The following RIPOR3 variants were observed in gnomAD, a reference collection of about 807,000 sequenced individuals.
The protein encoded by RIPOR3 is family with sequence similarity 65 member C.
In RIPOR3, 95 loss-of-function variants were observed where a neutral mutation model predicts 114.3. The ratio of observed to expected loss-of-function variants is 0.83; its 90% CI spans 0.70 to 0.99. The LOEUF (loss-of-function observed/expected upper bound fraction) is 0.99, where lower values mean the gene tolerates loss of function less well. Ranked by LOEUF, RIPOR3 falls within the 50% of genes least tolerant of loss-of-function variation. RIPOR3 has a pLI of 0.00. For synonymous variants in RIPOR3, 575 were observed against 543.8 expected, an observed-to-expected ratio of 1.06 and a Z score of -0.80; for missense variants, 1,252 against 1,266.9, an observed-to-expected ratio of 0.99 and a Z score of 0.18.
chr20:50,619,139 C>T (rs539990946), intron 3 of RIPOR3, among the ~76,000 whole-genome samples: 1 of 152,220 alleles, frequency 6.6e-6, no homozygotes, highest in African/African-American at 2.4e-5. Flanking sequence ...TCAGCCTCTG[C>T]TTTCTCATCT....
intron 13 of RIPOR3, among the ~76,000 whole-genome samples, chr20:50,601,793 C>A (rs1326509669): frequency 6.6e-6 from 1 of 152,194 alleles, no homozygotes; most frequent in Non-Finnish European, 1.5e-5. Flanking sequence ...ACAGCCCCGC[C>A]CACCCAGGTC....
chr20:50,667,685 T>C (rs1294908963), intron 1 of RIPOR3, among the ~76,000 whole-genome samples: 1 of 152,186 alleles, frequency 6.6e-6, no homozygotes. Flanking sequence ...GATACTGAAC[T>C]CACAGCTCTG....
At chr20:50,595,606 C>G in intron 15 of RIPOR3, 102 bp from the exon 16 acceptor site, 1 of 1,474,488 alleles carries the variant, frequency 6.8e-7, no homozygotes. Flanking sequence ...CTCTTCTGTC[C>G]CGGGGGCAGC....
In RIPOR3 at chr20:50,587,307, C is replaced by T. The variant is rs746895416; in HGVS notation, c.2778G>A (p.Glu926=). Residue 926 remains glutamate, a synonymous_variant, in exon 22 of 22, where the codon GAG becomes GAA. Transcript: ENST00000327979. ...GTTCTGAGCAGAGCTTGTCCATCTT[C>T]TCAAAAGCTAACCGTCCTTTTTCAC... ...SFGEKGRLAF[E]KMDKLCSEQR... 2 of 1,614,060 alleles carry T rather than the reference C, an allele frequency of 1.2e-6. No homozygotes were observed. Among genetic ancestry groups the T allele is most frequent in the African/African-American group, 2.7e-5 (2 of 74,952 alleles).
chr20:50,589,864 C>T (rs774505345), intron 19 of RIPOR3, 95 bp from the exon 20 acceptor site: 10 of 1,052,066 alleles, frequency 9.5e-6, no homozygotes, highest in East Asian at 2.6e-5. Flanking sequence ...CAGTAAGGCA[C>T]GCTGTGCCCA....
intron 1 of RIPOR3, among the ~76,000 whole-genome samples, chr20:50,683,514 G>A (rs2086926089): frequency 6.6e-6 from 1 of 151,188 alleles, no homozygotes. Flanking sequence ...GTGCAGTGGT[G>A]AGATCTCAGC....
At chr20:50,673,104 G>A (rs1300672535) in intron 1 of RIPOR3, among the ~76,000 whole-genome samples, 1 of 151,350 alleles carries the variant, frequency 6.6e-6, no homozygotes, top group Non-Finnish European at 1.5e-5. Context: ...TGTGCAGAGG[G>A]CAAGGTAAGT....
intron 19 of RIPOR3, among the ~76,000 whole-genome samples, chr20:50,592,080 C>T (rs1306635221): frequency 1.3e-5 from 2 of 152,206 alleles, no homozygotes; most frequent in African/African-American, 2.4e-5. Flanking sequence ...GAGCAGAACT[C>T]TGTCTAAACA....
At chr20:50,674,955 A>T (rs2123562679) in intron 1 of RIPOR3, among the ~76,000 whole-genome samples, 1 of 152,140 alleles carries the variant, frequency 6.6e-6, no homozygotes, top group South Asian at 2.1e-4. Flanking sequence ...AATTAAACTT[A>T]AAAAATTTAA....
rs548944540 is a variant in RIPOR3, at chr20:50,587,838, C to G, written c.2716G>C (p.Val906Leu). The change falls in exon 21 of 22, where the codon GTG becomes CTG. Residue 906 changes from valine to leucine, a missense_variant. Val to Leu is a conservative substitution (Grantham distance 32). Coordinates refer to ENST00000327979, the MANE Select transcript of RIPOR3 (RefSeq NM_001290268.2). ...GTGGTTTCCCGGGCTGCCGCCCGCA[C>G]GGCCTCCAGGTCAGACTGGCACAGG... ...ASLCQSDLEA[V>L]RAAARETTLS... 6.2e-7 allele frequency: 1 copy of G among 1,614,060 alleles called. No homozygotes were observed. Among genetic ancestry groups the G allele is most frequent in the African/African-American group, 1.3e-5 (1 of 74,954 alleles).
intron 2 of RIPOR3, among the ~76,000 whole-genome samples, chr20:50,628,483 C>T (rs184275226): frequency 1.1e-3 from 162 of 152,220 alleles, no homozygotes; most frequent in Non-Finnish European, 2.0e-3. Flanking sequence ...TGCCTCCCGC[C>T]GCCGAAGGCT....
chr20:50,597,663 C>T lies in RIPOR3; in HGVS notation c.1707G>A (p.Glu569=), dbSNP rs760935231. 2 of 1,612,288 alleles carry T rather than the reference C, an allele frequency of 1.2e-6. No homozygotes were observed. The highest frequency in any genetic ancestry group is 1.3e-5 in the African/African-American group (1 of 75,002). Residue 569 remains glutamate, a synonymous_variant, in exon 14 of 22, where the codon GAG becomes GAA. Coordinates refer to ENST00000327979, the MANE Select transcript of RIPOR3 (RefSeq NM_001290268.2). ...QEHTSAESLM[E]CILESFAFLN... is the part of the protein sequence containing the mutation. ...GGAAGGCGAAGCTCTCCAGGATGCA[C>T]TCCATCAGGCTCTCGGCCGAGGTGT...
rs1354523874 is a variant in RIPOR3, at chr20:50,691,395, C to G, written c.-267G>C. 6.0e-6 allele frequency: 2 copies of G among 334,500 alleles called. No homozygotes were observed. Among genetic ancestry groups the G allele is most frequent in the Non-Finnish European group, 1.2e-5 (2 of 170,970 alleles). The allele number at this position is 334,500 out of a possible 1,614,324, so 20.7% of individuals were successfully genotyped here. A position where few individuals can be genotyped will look rare whatever the true frequency, so the allele number is the denominator to read the frequency against. On this transcript the variant is annotated 5_prime_UTR_variant, in exon 1 of 22. Transcript: ENST00000327979. ...GGGCTCTGATAATGCAGCCGGGACT[C>G]TTATCTGGCCTGTGTCAGGGTGCAG...
chr20:50,659,373 G>A (rs543792253), intron 1 of RIPOR3, among the ~76,000 whole-genome samples: 162 of 152,174 alleles, frequency 1.1e-3, no homozygotes, highest in African/African-American at 3.7e-3. Flanking sequence ...AGGGCCGGGT[G>A]CGGTGGCTCA....
chr20:50,624,626 C>A (rs2084549532), intron 2 of RIPOR3, among the ~76,000 whole-genome samples: 1 of 152,224 alleles, frequency 6.6e-6, no homozygotes, highest in South Asian at 2.1e-4. Context: ...GCATGTCTGG[C>A]CCAGGTGTCA....
intron 4 of RIPOR3, 126 bp from the exon 5 acceptor site, chr20:50,611,330 C>T (rs964536696): frequency 3.4e-6 from 4 of 1,183,642 alleles, no homozygotes; most frequent in African/African-American, 3.0e-5. Context: ...TGTCTACAGC[C>T]ACCCCCACCC....
intron 1 of RIPOR3, among the ~76,000 whole-genome samples, chr20:50,644,950 C>A (rs1004515305): frequency 1.3e-5 from 2 of 151,778 alleles, no homozygotes; most frequent in African/African-American, 4.8e-5. Flanking sequence ...AGCAGTTCCC[C>A]GGCCTCAGCC....
chr20:50,672,417 G>A (rs1018623882), intron 1 of RIPOR3, among the ~76,000 whole-genome samples: 2 of 152,164 alleles, frequency 1.3e-5, no homozygotes, highest in Admixed American at 1.3e-4. Context: ...CCTCCACCCA[G>A]CAACCCCCAG....
intron 20 of RIPOR3, among the ~76,000 whole-genome samples, chr20:50,588,540 A>C (rs895999724): frequency 1.3e-5 from 2 of 152,198 alleles, no homozygotes; most frequent in African/African-American, 4.8e-5. Flanking sequence ...AAGAGTCTCA[A>C]AAATGCTCAT....
Sources: allele counts gnomAD v4.1 joint callset (sites outside exome capture counted in the v4.1 genomes callset), GRCh38; gene constraint gnomAD v4.1.1; transcripts MANE v1.5; gene names NCBI Gene and HGNC (gene_info 2026-07-23, HGNC 2026-07-21).